SCNN1B: variants seen among roughly 807,000 people sequenced by gnomAD.
SCNN1B encodes sodium channel epithelial 1 subunit beta.
SCNN1B carries 46 observed loss-of-function variants against 65.3 expected under a neutral mutation model. That is an observed-to-expected ratio of 0.70 (90% CI 0.56 to 0.90). The LOEUF (loss-of-function observed/expected upper bound fraction) is 0.90. Ranked by LOEUF, SCNN1B falls within the 40% of genes least tolerant of loss-of-function variation. The pLI is 0.00. For missense variants in SCNN1B, 751 were observed against 830.5 expected (o/e 0.90, Z 1.18); for synonymous variants, 349 against 330.6 (o/e 1.06, Z -0.60).
chr16:23,297,016 G>T (rs1961007752), intron 2 of SCNN1B, among the ~76,000 whole-genome samples: 1 of 151,446 alleles, frequency 6.6e-6, no homozygotes, highest in South Asian at 2.1e-4. Flanking sequence ...AAGAGAGAGA[G>T]AGAGAGAAAT....
chr16:23,298,670 T>C (rs1248279245), upstream of SCNN1B, among the ~76,000 whole-genome samples: 2 of 152,176 alleles, frequency 1.3e-5, no homozygotes, highest in African/African-American at 4.8e-5. Context: ...CTAAAGTCCA[T>C]ATGGATGCTG....
chr16:23,312,007 G>A (rs760396619), intron 1 of SCNN1B, among the ~76,000 whole-genome samples: 1 of 152,140 alleles, frequency 6.6e-6, no homozygotes, highest in Non-Finnish European at 1.5e-5. Context: ...GATGTAGGGA[G>A]GGGGAGGCCT....
At chr16:23,378,609 G>T in intron 10 of SCNN1B, 97 bp from the exon 11 acceptor site, 1 of 1,110,238 alleles carries the variant, frequency 9.0e-7, no homozygotes, top group Non-Finnish European at 1.4e-6. Flanking sequence ...GCCTCAGGAA[G>T]GGACAGGGCT....
At chr16:23,373,970 G>A (rs1305721184) in intron 7 of SCNN1B, among the ~76,000 whole-genome samples, 1 of 152,124 alleles carries the variant, frequency 6.6e-6, no homozygotes, top group East Asian at 1.9e-4. Context: ...AAACAGCCAA[G>A]AGCCAGGCCC....
At chr16:23,282,815 A>G (rs1960800925) in intron 1 of SCNN1B, among the ~76,000 whole-genome samples, 1 of 152,224 alleles carries the variant, frequency 6.6e-6, no homozygotes, top group Non-Finnish European at 1.5e-5. Flanking sequence ...TATGTAATTA[A>G]AAGTAGGTGT....
chr16:23,283,542 G>A (rs1455155592), intron 1 of SCNN1B, among the ~76,000 whole-genome samples: 1 of 152,168 alleles, frequency 6.6e-6, no homozygotes, highest in African/African-American at 2.4e-5. Flanking sequence ...AAAACAGAAT[G>A]GTTGTATAGG....
rs542995391 is a variant in SCNN1B at position 23,294,869 on chromosome 16, T to C, written n.178+11065T>C. 2.0e-5 allele frequency among the ~76,000 whole-genome samples: 3 copies of C among 152,038 alleles called. 1 individual carries two copies. The South Asian group carries it at 6.2e-4, about 32-fold the overall frequency. On this transcript the variant is annotated intron_variant and non_coding_transcript_variant, in intron 2 of 3. Transcript: ENST00000569789. ...TTATCCAGGCATGGTGGCGCGCGCCTGGAATCCCAGCTACTCGGGAGGCTG... is the reference window on the plus strand; with the variant it reads ...TTATCCAGGCATGGTGGCGCGCGCCCGGAATCCCAGCTACTCGGGAGGCTG...
At chr16:23,353,994 GA>G (rs2142021255) in intron 3 of SCNN1B, among the ~76,000 whole-genome samples, 1 of 152,310 alleles carries the variant, frequency 6.6e-6, no homozygotes, top group African/African-American at 2.4e-5. Flanking sequence ...TGGTGATTCT[GA>G]TAATCAATCT....
chr16:23,315,939 C>G (rs1241707685), intron 1 of SCNN1B, among the ~76,000 whole-genome samples: 2 of 152,106 alleles, frequency 1.3e-5, no homozygotes, highest in Non-Finnish European at 2.9e-5. Flanking sequence ...TAGTCACCAT[C>G]ACCACCATTC....
At chr16:23,331,247 T>A (rs1961805874) in intron 1 of SCNN1B, among the ~76,000 whole-genome samples, 1 of 152,114 alleles carries the variant, frequency 6.6e-6, no homozygotes, top group Non-Finnish European at 1.5e-5. Context: ...CACTTGCAAG[T>A]TTGGCCTTAA....
At chr16:23,371,497 C>T (rs759487738) in intron 6 of SCNN1B, 35 bp downstream of exon 6, 2 of 1,608,690 alleles carry the variant, frequency 1.2e-6, no homozygotes, top group South Asian at 1.1e-5. Flanking sequence ...CCTAGAGGGT[C>T]TGAGGGTGGG....
At chr16:23,377,995 T>G (rs1962950002) in intron 10 of SCNN1B, among the ~76,000 whole-genome samples, 1 of 152,112 alleles carries the variant, frequency 6.6e-6, no homozygotes, top group African/African-American at 2.4e-5. Context: ...AACTACTTTA[T>G]TTTTGTATTT....
chr16:23,375,730 C>T lies in SCNN1B; in HGVS notation c.1153-8C>T, dbSNP rs1010342937. 6.3e-7 allele frequency: 1 copy of T among 1,599,368 alleles called. No individual in the cohort carries two copies. Among genetic ancestry groups the T allele is most frequent in the Non-Finnish European group, 8.6e-7 (1 of 1,166,558 alleles). On this transcript the variant is annotated splice_region_variant and splice_polypyrimidine_tract_variant and intron_variant, in intron 7 of 12. Coordinates refer to ENST00000343070, the MANE Select transcript of SCNN1B (RefSeq NM_000336.3). ...GTTCTCTCCTTATGAACCCCCTACC[C>T]TCCCCAGGCCTGTCTTCGCTCCTGC... is the stretch of plus-strand genomic sequence containing the variant.
chr16:23,344,556 C>T (rs1462954115), intron 1 of SCNN1B, among the ~76,000 whole-genome samples: 1 of 152,172 alleles, frequency 6.6e-6, no homozygotes, highest in Non-Finnish European at 1.5e-5. Flanking sequence ...CTTGTAGTTG[C>T]TATTATAATA....
Position 23,348,758 on chromosome 16 carries a change from C to G in SCNN1B, c.159C>G (p.Phe53Leu). ...GGCCCAAGAAGAAAGCCATGTGGTT[C>G]CTGCTCACCCTGCTCTTCGCCGCCC... is the stretch of plus-strand genomic sequence containing the variant. Reference protein sequence around the residue: ...CEGPKKKAMWFLLTLLFAALV... With the variant: ...CEGPKKKAMWLLLTLLFAALV... The change falls in exon 2 of 13, where the codon TTC becomes TTG. Residue 53 changes from phenylalanine to leucine, a missense_variant. Transcript: ENST00000343070. This position sits in a 1 kb window ranked among gnomAD's most constrained non-coding sequence, Gnocchi z 4.5. The G allele has an allele frequency of 6.2e-7, 1 of 1,614,202 alleles. No homozygotes were observed. Among genetic ancestry groups the G allele is most frequent in the Non-Finnish European group, 8.5e-7 (1 of 1,180,044 alleles).
At chr16:23,306,257 C>A (rs971009962) in intron 1 of SCNN1B, among the ~76,000 whole-genome samples, 3 of 150,974 alleles carry the variant, frequency 2.0e-5, no homozygotes, top group South Asian at 2.1e-4. Flanking sequence ...AAAAAAAAAA[C>A]CTATGTTTCA....
At chr16:23,295,825 A>G (rs1236995043) in intron 2 of SCNN1B, among the ~76,000 whole-genome samples, 1 of 152,172 alleles carries the variant, frequency 6.6e-6, no homozygotes, top group Non-Finnish European at 1.5e-5. Flanking sequence ...GGGTTTCCAG[A>G]TGCAGCTGAA....
chr16:23,360,734 G>GA (rs911697460), intron 4 of SCNN1B, among the ~76,000 whole-genome samples: 4 of 148,676 alleles, frequency 2.7e-5, no homozygotes, highest in African/African-American at 9.9e-5. Flanking sequence ...TAGCTGGGAT[G>GA]ACAGGCATGC....
At chr16:23,298,943 G>A (rs934070251), upstream of SCNN1B, among the ~76,000 whole-genome samples, 2 of 151,828 alleles carry the variant, frequency 1.3e-5, no homozygotes, top group Non-Finnish European at 2.9e-5. Flanking sequence ...TTCCACAGGG[G>A]ACTCATTCTA....
Sources: allele counts gnomAD v4.1 joint callset (sites outside exome capture counted in the v4.1 genomes callset), GRCh38; gene constraint gnomAD v4.1.1; non-coding constraint Gnocchi (gnomAD v3.1); transcripts MANE v1.5; gene names NCBI Gene and HGNC (gene_info 2026-07-23, HGNC 2026-07-21).